Variants in ATRNL1 observed in about 807,000 individuals in gnomAD.
ATRNL1 encodes the protein attractin like 1, also known as attractin-like protein 1.
In ATRNL1, 95 loss-of-function variants were observed where a neutral mutation model predicts 182.7. The ratio of observed to expected loss-of-function variants is 0.52; its 90% CI spans 0.44 to 0.62. The LOEUF (loss-of-function observed/expected upper bound fraction) is 0.62, where lower values mean the gene tolerates loss of function less well. ATRNL1 is among the 20% of genes least tolerant of loss of function. ATRNL1 has a pLI of 0.00. For synonymous variants in ATRNL1, 576 were observed against 568.3 expected (o/e 1.01, Z -0.19); for missense variants, 1,471 against 1,679.5 (o/e 0.88, Z 2.17).
At chr10:115,831,113 G>A (rs1465733852) in intron 27 of ATRNL1, among the ~76,000 whole-genome samples, 1 of 152,082 alleles carries the variant, frequency 6.6e-6, no homozygotes, top group Admixed American at 6.6e-5. Flanking sequence ...GCTCCCACCT[G>A]CCCTTGTTCT....
At chr10:115,868,986 C>T (rs1040193935) in intron 28 of ATRNL1, among the ~76,000 whole-genome samples, 17 of 151,874 alleles carry the variant, frequency 1.1e-4, no homozygotes, top group African/African-American at 3.1e-4. Context: ...CCCGCCACCA[C>T]GCCCGGCTAA....
intron 28 of ATRNL1, among the ~76,000 whole-genome samples, chr10:115,933,658 T>C (rs570128091): frequency 6.6e-6 from 1 of 152,324 alleles, no homozygotes; most frequent in African/African-American, 2.4e-5. Flanking sequence ...ACATGCTGAA[T>C]TTCAAGTCAA....
chr10:115,253,555 T>C (rs180681981), intron 10 of ATRNL1, among the ~76,000 whole-genome samples: 3 of 152,150 alleles, frequency 2.0e-5, no homozygotes, highest in Non-Finnish European at 4.4e-5. Flanking sequence ...AAAAATTTAT[T>C]TTTCACCCAT....
chr10:115,218,616 G>GA (rs1161204406), intron 9 of ATRNL1, among the ~76,000 whole-genome samples: 3 of 152,076 alleles, frequency 2.0e-5, no homozygotes, highest in African/African-American at 4.8e-5. Context: ...GGTGCTGGGA[G>GA]AAAAAAATCT....
At chr10:115,361,957 C>T (rs1038519001) in intron 19 of ATRNL1, among the ~76,000 whole-genome samples, 2 of 151,906 alleles carry the variant, frequency 1.3e-5, no homozygotes, top group Admixed American at 6.6e-5. Context: ...CCTTTTTTAT[C>T]GAAGAAAGAA....
chr10:115,738,135 T>C (rs928322363), intron 27 of ATRNL1, among the ~76,000 whole-genome samples: 6 of 84,758 alleles, frequency 7.1e-5, no homozygotes, highest in Non-Finnish European at 1.3e-4. Flanking sequence ...GATTTTTTTT[T>C]TTTTTTTTTT....
At chr10:115,630,609 G>GTCCA (rs1340224847) in intron 26 of ATRNL1, among the ~76,000 whole-genome samples, 1 of 150,652 alleles carries the variant, frequency 6.6e-6, no homozygotes, top group Non-Finnish European at 1.5e-5. Context: ...CAACCCATTT[G>GTCCA]TCCATTGATA....
At chr10:115,198,154 C>T (rs1848431343) in intron 8 of ATRNL1, among the ~76,000 whole-genome samples, 1 of 152,138 alleles carries the variant, frequency 6.6e-6, no homozygotes, top group African/African-American at 2.4e-5. Flanking sequence ...TCCCTTTTCT[C>T]CACATTCTTG....
chr10:115,873,070 C>T (rs782248826), intron 28 of ATRNL1, among the ~76,000 whole-genome samples: 4 of 152,150 alleles, frequency 2.6e-5, no homozygotes, highest in Non-Finnish European at 5.9e-5. Context: ...AGACGATAGC[C>T]GTGCGATAGC....
At chr10:115,783,787 G>A (rs1949328335) in intron 27 of ATRNL1, among the ~76,000 whole-genome samples, 1 of 152,080 alleles carries the variant, frequency 6.6e-6, no homozygotes, top group South Asian at 2.1e-4. Flanking sequence ...GGCCGAGACG[G>A]GCAGATCATG....
chr10:115,788,833 C>G (rs1453135974), intron 27 of ATRNL1, among the ~76,000 whole-genome samples: 2 of 152,212 alleles, frequency 1.3e-5, no homozygotes, highest in East Asian at 3.8e-4. Flanking sequence ...GCCTTTCTAA[C>G]TGTGGCAAAG....
chr10:115,301,522 CGTGGCTGGGAAAAAATT>C (rs1853466325), intron 16 of ATRNL1, among the ~76,000 whole-genome samples: 1 of 151,940 alleles, frequency 6.6e-6, no homozygotes, highest in Non-Finnish European at 1.5e-5. Context: ...CTATGGAAAA[CGTGGCTGGGAAAAAATT>C]GTGGCTGGGA....
At position 115,922,638 on chromosome 10, in the gene ATRNL1, C is replaced by T. The variant is rs76245859; in HGVS notation, c.4019-22020C>T. Among the ~76,000 whole-genome samples, 19 of 152,086 alleles carry T rather than the reference C, an allele frequency of 1.2e-4. No homozygotes were observed. The East Asian group carries it at 3.1e-3, about 25-fold the overall frequency. On this transcript the variant is annotated intron_variant, in intron 28 of 28. Transcript: ENST00000355044. ...GAATCACTGTACTCAGCCTGGGAAG[C>T]GTGGGATAGTTTTCGTTTTCAAAAG...
intron 24 of ATRNL1, among the ~76,000 whole-genome samples, chr10:115,479,382 A>T (rs1223842083): frequency 6.6e-6 from 1 of 151,616 alleles, no homozygotes; most frequent in Non-Finnish European, 1.5e-5. Context: ...ATTTGTACAG[A>T]ATTAATCAGA....
intron 28 of ATRNL1, among the ~76,000 whole-genome samples, chr10:115,915,390 T>C (rs1952818000): frequency 6.6e-6 from 1 of 150,612 alleles, no homozygotes; most frequent in Non-Finnish European, 1.5e-5. Context: ...AGAGCGAGAC[T>C]CCATCTCAAA....
chr10:115,511,375 GA>G (rs1169091945), intron 24 of ATRNL1, among the ~76,000 whole-genome samples: 1 of 151,872 alleles, frequency 6.6e-6, no homozygotes, highest in East Asian at 1.9e-4. Context: ...TTGTCTTTAA[GA>G]TATGACTAGT....
chr10:115,467,056 T>C (rs1467499632), intron 22 of ATRNL1, 118 bp from the exon 23 acceptor site: 21 of 611,184 alleles, frequency 3.4e-5, no homozygotes, highest in Non-Finnish European at 4.7e-5. Flanking sequence ...TTCAGTTGAA[T>C]ATTTACAAAA....
chr10:115,692,918 T>C (rs1946438824), intron 26 of ATRNL1, among the ~76,000 whole-genome samples: 1 of 152,078 alleles, frequency 6.6e-6, no homozygotes, highest in Non-Finnish European at 1.5e-5. Flanking sequence ...CCTTGTTTTT[T>C]CATAACCTCT....
At chr10:115,498,544 C>A (rs573875323) in intron 24 of ATRNL1, among the ~76,000 whole-genome samples, 1 of 152,008 alleles carries the variant, frequency 6.6e-6, no homozygotes, top group South Asian at 2.1e-4. Context: ...TAATAAATCA[C>A]CTTTGTAAGA....
Sources: gnomAD v4.1 joint callset for allele counts (sites outside exome capture counted in the v4.1 genomes callset) on GRCh38, gnomAD v4.1.1 for gene constraint, MANE v1.5 for transcripts, NCBI Gene and HGNC (gene_info 2026-07-23, HGNC 2026-07-21) for gene names.